CRELD1: variants seen among roughly 807,000 people sequenced by gnomAD.
The protein encoded by CRELD1 is protein disulfide isomerase CRELD1.
Under a neutral mutation model 58.2 loss-of-function variants are expected in CRELD1, and 42 were observed. The observed-to-expected ratio is 0.72, with a 90% CI of 0.56 to 0.93. The LOEUF (loss-of-function observed/expected upper bound fraction) is 0.93, where lower values mean the gene tolerates loss of function less well. Ranked by LOEUF, CRELD1 falls within the 40% of genes least tolerant of loss-of-function variation. CRELD1 has a pLI of 0.00. For missense variants in CRELD1, 500 were observed against 540.6 expected (o/e 0.92, Z 0.74); for synonymous variants, 222 against 202.0 (o/e 1.10, Z -0.84).
At chr3:9,937,334 C>T (rs2085223126) in intron 3 of CRELD1, among the ~76,000 whole-genome samples, 1 of 152,174 alleles carries the variant, frequency 6.6e-6, no homozygotes, top group African/African-American at 2.4e-5. Context: ...CCCCATTTTA[C>T]AGATGACAAA....
intron 9 of CRELD1, 38 bp from the exon 10 acceptor site, chr3:9,943,343 G>A: frequency 1.2e-6 from 2 of 1,613,676 alleles, no homozygotes; most frequent in Non-Finnish European, 1.7e-6. Flanking sequence ...GCTGGGTGGG[G>A]GGCCCTAGCA....
Position 9,943,172 on chromosome 3 carries a change from G to C in CRELD1, c.913G>C (p.Asp305His), listed in dbSNP as rs772094283. ...TCAGCAGGTGGGCTCCAAGTGTCTC[G>C]GTGAGTCTCCTGCTGATGGGACACA... ...GYQQVGSKCL[D>H]VDECETEVCP... Residue 305 changes from aspartate (D) to histidine (H), a missense_variant and splice_region_variant, in exon 9 of 11, where the codon GAT (aspartate) becomes CAT (histidine). Asp to His is a moderately conservative substitution (Grantham distance 81). Transcript: ENST00000452070. 1.2e-6 allele frequency: 2 copies of C among 1,612,132 alleles called. No homozygotes were observed. Among genetic ancestry groups the C allele is most frequent in the South Asian group, 2.2e-5 (2 of 91,054 alleles).
At position 9,934,423 on chromosome 3, in the gene CRELD1, C is replaced by A; in HGVS notation, c.-16C>A. 1 of 1,613,066 alleles carries A rather than the reference C, an allele frequency of 6.2e-7. No homozygotes were observed. Among genetic ancestry groups the A allele is most frequent in the Non-Finnish European group, 8.5e-7 (1 of 1,179,210 alleles). ...TCTCCACGCCCTCTATCTGCAGGTC[C>A]CCAGCCTGGGTAAAGATGGCCCCAT... On this transcript the variant is annotated 5_prime_UTR_variant, in exon 2 of 11. Transcript: ENST00000452070.
In CRELD1 at chr3:9,942,812, G is replaced by A. The variant is rs1251324617; in HGVS notation, c.734-1G>A. ...TTCTCACCCTGCTCACCTCTCTGCA[G>A]ACATTGATGAGTGTGGCACAGAGGG... On this transcript the variant is annotated splice_acceptor_variant, in intron 7 of 10. Transcript: ENST00000452070. LOFTEE classifies it high-confidence loss of function. 2 of 1,613,350 alleles carry A rather than the reference G, an allele frequency of 1.2e-6. No individual in the cohort carries two copies. Among genetic ancestry groups the A allele is most frequent in the African/African-American group, 1.3e-5 (1 of 75,044 alleles).
Position 9,943,117 on chromosome 3 carries a change from A to G in CRELD1, c.858A>G (p.Pro286=). 3.7e-6 allele frequency: 6 copies of G among 1,613,548 alleles called. No individual in the cohort carries two copies. The highest frequency in any genetic ancestry group is 5.1e-6 in the Non-Finnish European group (6 of 1,179,998). ...KACLGCMGAG[P]GRCKKCSPGY... ...GCCTAGGCTGCATGGGGGCAGGGCC[A>G]GGTCGCTGTAAGAAGTGTAGCCCTG... is the stretch of plus-strand genomic sequence containing the variant. Residue 286 remains proline (P), a synonymous_variant, in exon 9 of 11, where the codon CCA becomes CCG. Transcript: ENST00000452070.
chr3:9,936,104 G>C (rs1245537071), intron 3 of CRELD1: 1 of 152,234 alleles, frequency 6.6e-6, no homozygotes, highest in African/African-American at 2.4e-5. Flanking sequence ...CAAAGGCTCA[G>C]AGTTAGACCT....
intron 5 of CRELD1, among the ~76,000 whole-genome samples, chr3:9,940,504 A>C (rs1035168425): frequency 3.3e-5 from 5 of 151,986 alleles, no homozygotes; most frequent in Middle Eastern, 3.4e-3. Context: ...CGTCTCCACC[A>C]AAAAAATACG....
At chr3:9,939,205 T>C (rs1157932969) in intron 5 of CRELD1, among the ~76,000 whole-genome samples, 3 of 152,076 alleles carry the variant, frequency 2.0e-5, no homozygotes, top group Non-Finnish European at 4.4e-5. Flanking sequence ...TAAAATCTAA[T>C]TGTTCCACAA....
At chr3:9,935,155 C>T in intron 3 of CRELD1, 1 of 490,830 alleles carries the variant, frequency 2.0e-6, no homozygotes, top group East Asian at 3.7e-5. Flanking sequence ...GAAGAACAAA[C>T]AGTGAAGCAC....
At chr3:9,939,678 G>A (rs954912238) in intron 5 of CRELD1, among the ~76,000 whole-genome samples, 3 of 152,224 alleles carry the variant, frequency 2.0e-5, no homozygotes, top group Non-Finnish European at 2.9e-5. Flanking sequence ...GGATCCCAAG[G>A]CAGAAGAATT....
At chr3:9,935,232 TGAA>T (rs1281163453) in intron 3 of CRELD1, 1 of 343,860 alleles carries the variant, frequency 2.9e-6, no homozygotes, top group Non-Finnish European at 5.5e-6. Flanking sequence ...AGACAGGAAG[TGAA>T]GAAGCGAGCT....
At chr3:9,943,266 A>C in intron 9 of CRELD1, 94 bp downstream of exon 9, 1 of 1,592,974 alleles carries the variant, frequency 6.3e-7, no homozygotes, top group South Asian at 1.1e-5. Context: ...GGGGGAAGGA[A>C]GGGTGGAATG....
chr3:9,942,284 A>G lies in CRELD1; in HGVS notation c.734-529A>G, dbSNP rs1446583510. On this transcript the variant is annotated intron_variant, in intron 7 of 10. Coordinates refer to ENST00000452070, the MANE Select transcript of CRELD1 (RefSeq NM_001077415.3). ...GAAACTCCATCTCAAAAAAAAAAAAAAGAATCTAGAGGGTAGAGGTTTATT... is the reference window on the plus strand; with the variant it reads ...GAAACTCCATCTCAAAAAAAAAAAAGAGAATCTAGAGGGTAGAGGTTTATT... 2.0e-5 allele frequency among the ~76,000 whole-genome samples: 3 copies of G among 152,154 alleles called. No individual in the cohort carries two copies. In the East Asian group the frequency reaches 5.8e-4, roughly 29 times the overall value.
Position 9,941,164 on chromosome 3 carries a change from C to T in CRELD1, c.691C>T (p.Gln231Ter). Reference protein sequence around the residue: ...CSGPEESNCLQCKKGWALHHL... With the variant: ...CSGPEESNCL ...AGGACCTGAGGAATCAAACTGTTTG[C>T]AATGCAAGAAGGGCTGGGCCCTGCA... is the stretch of plus-strand genomic sequence containing the variant. The change falls in exon 7 of 11, where the codon CAA becomes TAA. Residue 231 changes from glutamine to a stop codon, truncating the protein, a stop_gained. Coordinates refer to ENST00000452070, the MANE Select transcript of CRELD1 (RefSeq NM_001077415.3). LOFTEE classifies it high-confidence loss of function. 1 of 1,614,182 alleles carries T rather than the reference C, an allele frequency of 6.2e-7. No homozygotes were observed. Among genetic ancestry groups the T allele is most frequent in the Non-Finnish European group, 8.5e-7 (1 of 1,180,030 alleles).
chr3:9,937,415 T>C, intron 3 of CRELD1, 147 bp from the exon 4 acceptor site: 1 of 661,396 alleles, frequency 1.5e-6, no homozygotes, highest in East Asian at 2.8e-5. Context: ...CAGGTCTCTC[T>C]GCTTCCCAGA....
chr3:9,938,172 C>G, intron 5 of CRELD1, 66 bp downstream of exon 5: 1 of 1,254,282 alleles, frequency 8.0e-7, no homozygotes, highest in South Asian at 1.2e-5. Flanking sequence ...AGTCCTGGCT[C>G]TGTCCCTAGT....
intron 7 of CRELD1, among the ~76,000 whole-genome samples, chr3:9,942,591 C>T (rs1374899748): frequency 6.6e-6 from 1 of 152,122 alleles, no homozygotes; most frequent in Non-Finnish European, 1.5e-5. Flanking sequence ...TCCTGTTGGC[C>T]AGAACTCAAT....
At chr3:9,935,327 G>A (rs991503330) in intron 3 of CRELD1, among the ~76,000 whole-genome samples, 2 of 152,314 alleles carry the variant, frequency 1.3e-5, no homozygotes, top group East Asian at 1.9e-4. Context: ...TGAGCCAAGG[G>A]GAGAGTGCTA....
chr3:9,944,571 G>C lies in CRELD1; in HGVS notation c.1255G>C (p.Gly419Arg). The C allele has an allele frequency of 6.2e-7, 1 of 1,606,052 alleles. No homozygotes were observed. Among genetic ancestry groups the C allele is most frequent in the Non-Finnish European group, 8.5e-7 (1 of 1,179,444 alleles). ...SDRVLEGFIK[G>R]R is the part of the protein sequence containing the mutation. Reference sequence around the variant, plus strand: ...CCGTGTGCTGGAGGGCTTCATCAAGGGCAGATAATCGCGGCCACCACCTGT... The same window carrying C: ...CCGTGTGCTGGAGGGCTTCATCAAGCGCAGATAATCGCGGCCACCACCTGT... The change falls in exon 11 of 11, where the codon GGC (glycine) becomes CGC (arginine). Residue 419 changes from glycine to arginine, a missense_variant. Coordinates refer to ENST00000452070, the MANE Select transcript of CRELD1 (RefSeq NM_001077415.3).
Sources: gnomAD v4.1 joint callset for allele counts (sites outside exome capture counted in the v4.1 genomes callset) on GRCh38, gnomAD v4.1.1 for gene constraint, MANE v1.5 for transcripts, NCBI Gene and HGNC (gene_info 2026-07-23, HGNC 2026-07-21) for gene names.